PKHD1: variants seen among roughly 807,000 people sequenced by gnomAD.
PKHD1 encodes the protein PKHD1 ciliary IPT domain containing fibrocystin/polyductin, also known as fibrocystin.
A neutral mutation model predicts 412.0 loss-of-function variants in PKHD1; 291 were observed. That is an observed-to-expected ratio of 0.71 (90% CI 0.64 to 0.78). The LOEUF is 0.78. Among genes scored for constraint, PKHD1 ranks in the 30% least tolerant of loss-of-function variants. The pLI is 0.00. For missense variants in PKHD1, 4,825 were observed against 4,950.7 expected, an observed-to-expected ratio of 0.97 and a Z score of 0.76; for synonymous variants, 1,777 against 1,821.5, an observed-to-expected ratio of 0.98 and a Z score of 0.62.
intron 66 of PKHD1, among the ~76,000 whole-genome samples, chr6:51,623,187 C>T (rs912736670): frequency 6.6e-6 from 1 of 152,098 alleles, no homozygotes; most frequent in African/African-American, 2.4e-5. Flanking sequence ...ATTGGAATTG[C>T]ATTAATCCCA....
intron 48 of PKHD1, among the ~76,000 whole-genome samples, chr6:51,859,505 A>G (rs891017234): frequency 5.0e-5 from 7 of 138,658 alleles, no homozygotes; most frequent in Non-Finnish European, 7.6e-5. Flanking sequence ...CAGCCTGGGC[A>G]ACAGAGCGAG....
intron 60 of PKHD1, among the ~76,000 whole-genome samples, chr6:51,724,944 G>T (rs905682428): frequency 1.3e-5 from 2 of 152,164 alleles, no homozygotes; most frequent in African/African-American, 4.8e-5. Context: ...AGTGAAGGAA[G>T]TTAGGACAAC....
intron 55 of PKHD1, among the ~76,000 whole-genome samples, chr6:51,758,014 AAGAGAGAGAGAGAG>A (rs10534219): frequency 4.9e-4 from 62 of 126,126 alleles, no homozygotes; most frequent in Middle Eastern, 8.1e-3. Flanking sequence ...ACCCTGCCAA[AAGAGAGAGAGAGAG>A]AGAGAGAGAG....
rs376212070 is a variant in PKHD1 at position 51,971,763 on chromosome 6, A to G, written c.5752-11737T>C. 1.4e-4 allele frequency among the ~76,000 whole-genome samples: 21 copies of G among 151,118 alleles called. 1 individual carries two copies. The highest frequency in any genetic ancestry group is 4.9e-4 in the African/African-American group (20 of 41,144). On this transcript the variant is annotated intron_variant, in intron 35 of 66. Coordinates refer to ENST00000371117, the MANE Select transcript of PKHD1 (RefSeq NM_138694.4). ...GTTTTGTTTTTTGAGACAGGGTTTT[A>G]CTCTGCACCCAGGCTGGAATGAAGT...
Position 51,684,292 on chromosome 6 carries a change from T to C in PKHD1, c.10157-24323A>G, listed in dbSNP as rs150690180. Among the ~76,000 whole-genome samples the C allele has an allele frequency of 1.2e-3, 189 of 152,234 alleles. 2 individuals are homozygous for C. The highest frequency in any genetic ancestry group is 2.3e-3 in the Non-Finnish European group (159 of 68,004). On this transcript the variant is annotated intron_variant, in intron 60 of 66. Transcript: ENST00000371117. ...CTACCAGGAGAGTCACCCAACCTTCTTCAGGCTGAGATGTGAGTAAAACAA... is the reference window on the plus strand; with the variant it reads ...CTACCAGGAGAGTCACCCAACCTTCCTCAGGCTGAGATGTGAGTAAAACAA...
rs371927666 is a variant in PKHD1, at chr6:51,973,024, A to G, written c.5752-12998T>C. 1.3e-4 allele frequency among the ~76,000 whole-genome samples: 20 copies of G among 152,302 alleles called. 1 individual carries two copies. The highest frequency in any genetic ancestry group is 4.6e-4 in the African/African-American group (19 of 41,556). ...TGCATTTTATTTTTTTCAAAATTGT[A>G]TGTGCCAGTTATTAATATGGGAAGA... On this transcript the variant is annotated intron_variant, in intron 35 of 66. Transcript: ENST00000371117.
intron 60 of PKHD1, among the ~76,000 whole-genome samples, chr6:51,717,280 T>C (rs906887870): frequency 1.1e-4 from 17 of 151,972 alleles, no homozygotes; most frequent in African/African-American, 3.9e-4. Context: ...GGCATGGTGG[T>C]GTGTGCCTGT....
At chr6:52,048,656 T>G (rs1581945212) in intron 22 of PKHD1, 37 bp from the exon 23 acceptor site, 1 of 1,612,992 alleles carries the variant, frequency 6.2e-7, no homozygotes, top group South Asian at 1.1e-5. Flanking sequence ...AACGTCTGGG[T>G]TGGGGTGTGC....
chr6:52,005,010 T>C (rs938248902), intron 35 of PKHD1, among the ~76,000 whole-genome samples: 5 of 152,178 alleles, frequency 3.3e-5, no homozygotes, highest in African/African-American at 1.2e-4. Context: ...CTCTCTGGTA[T>C]CCTTCCCTGC....
At chr6:51,813,316 T>G in intron 52 of PKHD1, among the ~76,000 whole-genome samples, 1 of 152,214 alleles carries the variant, frequency 6.6e-6, no homozygotes, top group East Asian at 1.9e-4. Context: ...AATAAATATT[T>G]AATACTGTGC....
chr6:51,988,162 C>CA (rs1481496836), intron 35 of PKHD1, among the ~76,000 whole-genome samples: 1 of 152,068 alleles, frequency 6.6e-6, no homozygotes, highest in Non-Finnish European at 1.5e-5. Context: ...GAAATGAAAA[C>CA]AAAATCAACT....
chr6:51,997,209 C>A (rs1377149671), intron 35 of PKHD1, among the ~76,000 whole-genome samples: 1 of 152,158 alleles, frequency 6.6e-6, no homozygotes, highest in Non-Finnish European at 1.5e-5. Context: ...ACAGAGAAAG[C>A]AACCTTAGGT....
intron 36 of PKHD1, among the ~76,000 whole-genome samples, chr6:51,937,383 G>A (rs1257695799): frequency 1.3e-5 from 2 of 152,136 alleles, no homozygotes; most frequent in African/African-American, 4.8e-5. Context: ...CTGTGCCCCA[G>A]GCCATGGTCA....
intron 55 of PKHD1, among the ~76,000 whole-genome samples, chr6:51,758,748 C>T (rs1166511959): frequency 1.3e-5 from 2 of 151,966 alleles, no homozygotes; most frequent in African/African-American, 2.4e-5. Flanking sequence ...AATATCAGTA[C>T]AGTTTCTTTA....
intron 36 of PKHD1, among the ~76,000 whole-genome samples, chr6:51,956,234 T>C (rs530649232): frequency 1.8e-4 from 27 of 152,156 alleles, no homozygotes; most frequent in South Asian, 4.1e-4. Flanking sequence ...CATATGTGTG[T>C]ATGTACATAT....
intron 52 of PKHD1, among the ~76,000 whole-genome samples, chr6:51,821,913 C>A (rs1311601794): frequency 6.6e-6 from 1 of 152,214 alleles, no homozygotes; most frequent in Non-Finnish European, 1.5e-5. Flanking sequence ...TCTCAAACTC[C>A]TGACCTCAAG....
intron 52 of PKHD1, among the ~76,000 whole-genome samples, chr6:51,796,490 A>C (rs945699752): frequency 2.0e-5 from 3 of 149,212 alleles, no homozygotes; most frequent in Non-Finnish European, 4.4e-5. Flanking sequence ...TCATGTCTCT[A>C]TGTCCTTCAG....
In PKHD1 at chr6:51,616,714, T is replaced by G. The variant is rs1766099571; in HGVS notation, c.*2367A>C. 2 of 398,250 alleles carry G rather than the reference T, an allele frequency of 5.0e-6. No individual in the cohort carries two copies. The allele number at this position is 398,250 out of a possible 1,614,324, so 24.7% of individuals were successfully genotyped here. ...ACAGGCTTTTCTGGGATGGAATTAG[T>G]AAGATAATTATGGTTATTCCTACGC... On this transcript the variant is annotated 3_prime_UTR_variant, in exon 67 of 67. Transcript: ENST00000371117.
intron 36 of PKHD1, among the ~76,000 whole-genome samples, chr6:51,946,980 C>T (rs1415888772): frequency 6.6e-6 from 1 of 152,124 alleles, no homozygotes; most frequent in Non-Finnish European, 1.5e-5. Context: ...TTCCCCCTTA[C>T]AGAAAAAATT....
Sources: allele counts gnomAD v4.1 joint callset (sites outside exome capture counted in the v4.1 genomes callset), GRCh38; gene constraint gnomAD v4.1.1; transcripts MANE v1.5; gene names NCBI Gene and HGNC (gene_info 2026-07-23, HGNC 2026-07-21).